Variants in DHX9 observed in about 807,000 individuals in gnomAD.
DHX9 encodes ATP-dependent RNA helicase A.
Under a neutral mutation model 148.7 loss-of-function variants are expected in DHX9, and 27 were observed. The observed-to-expected ratio is 0.18, with a 90% CI of 0.13 to 0.25. DHX9 has a LOEUF of 0.25. Among genes scored for constraint, DHX9 ranks in the 10% least tolerant of loss-of-function variants. The probability of loss-of-function intolerance (pLI) is 1.00; values close to 1 mark genes in which losing one functional copy is unlikely to be tolerated. For synonymous variants in DHX9, 529 were observed against 516.6 expected (o/e 1.02, Z -0.33); for missense variants, 796 against 1,559.6 (o/e 0.51, Z 8.25).
At chr1:182,853,503 A>G (rs1668196968) in intron 5 of DHX9, 85 bp downstream of exon 5, 2 of 1,004,154 alleles carry the variant, frequency 2.0e-6, no homozygotes, top group East Asian at 2.5e-5. Flanking sequence ...GATATTCACA[A>G]GTTAATAATT....
intron 3 of DHX9, among the ~76,000 whole-genome samples, chr1:182,851,904 G>T (rs189445801): frequency 6.6e-6 from 1 of 152,292 alleles, no homozygotes; most frequent in African/African-American, 2.4e-5. Flanking sequence ...GCTTTAAAAG[G>T]TGTTAAGGTA....
intron 14 of DHX9, among the ~76,000 whole-genome samples, chr1:182,870,916 T>A (rs950465034): frequency 6.6e-6 from 1 of 152,198 alleles, no homozygotes; most frequent in Non-Finnish European, 1.5e-5. Context: ...ATTTTTCTTA[T>A]GGTGTGTTCA....
intron 1 of DHX9, among the ~76,000 whole-genome samples, chr1:182,841,300 AAGAG>A (rs539781972): frequency 6.6e-5 from 10 of 152,278 alleles, no homozygotes; most frequent in East Asian, 1.9e-4. Flanking sequence ...CAAAAAAAAA[AAGAG>A]AGAAAAGACT....
At chr1:182,871,036 G>A (rs925767996) in intron 14 of DHX9, among the ~76,000 whole-genome samples, 2 of 152,044 alleles carry the variant, frequency 1.3e-5, no homozygotes, top group East Asian at 1.9e-4. Flanking sequence ...AACATGAAAT[G>A]CACTAACCTT....
intron 12 of DHX9, among the ~76,000 whole-genome samples, chr1:182,865,616 G>A (rs1176531629): frequency 6.6e-6 from 1 of 152,176 alleles, no homozygotes. Context: ...TTATCTTTAT[G>A]GGCAGGATAA....
At position 182,853,306 on chromosome 1, in the gene DHX9, A is replaced by G. The variant is rs1481090375; in HGVS notation, c.365A>G (p.Glu122Gly). 1 of 1,603,932 alleles carries G rather than the reference A, an allele frequency of 6.2e-7. No homozygotes were observed. Among genetic ancestry groups the G allele is most frequent in the Non-Finnish European group, 8.5e-7 (1 of 1,176,310 alleles). ...PLPPHLALKA[E>G]NNSEVGASGY... ...AAGAGAATTTTTTTTCTTTTAACAGAAAATAATTCTGAGGTAGGGGCCTCT... is the reference window on the plus strand; with the variant it reads ...AAGAGAATTTTTTTTCTTTTAACAGGAAATAATTCTGAGGTAGGGGCCTCT... The change falls in exon 5 of 28, where the codon GAA (glutamate) becomes GGA (glycine). Residue 122 changes from glutamate to glycine, a missense_variant and splice_region_variant. Transcript: ENST00000367549.
rs1218835958 is a variant in DHX9 at position 182,874,895 on chromosome 1, C to G, written c.1756C>G (p.Pro586Ala). The G allele has an allele frequency of 1.2e-6, 2 of 1,613,074 alleles. No homozygotes were observed. The highest frequency in any genetic ancestry group is 1.7e-6 in the Non-Finnish European group (2 of 1,179,534). ...CTGCATTCAGATGACCCACTTTGTT[C>G]CTCCACCAAAAGACAAAAAGAAGAA... ...EDCIQMTHFV[P>A]PPKDKKKKDK... The change falls in exon 16 of 28, where the codon CCT (proline) becomes GCT (alanine). Residue 586 changes from proline to alanine, a missense_variant. Physicochemically the swap from Pro to Ala is conservative, Grantham distance 27. Around this residue, in one of 14 missense-constraint regions of DHX9, gnomAD observed 133 missense variants for 223.8 expected, o/e 0.59. Transcript: ENST00000367549.
At chr1:182,849,659 G>C (rs1161542804) in intron 3 of DHX9, among the ~76,000 whole-genome samples, 1 of 152,156 alleles carries the variant, frequency 6.6e-6, no homozygotes, top group Admixed American at 6.5e-5. Flanking sequence ...AGAAACATTG[G>C]TCTGTAACCT....
chr1:182,871,823 C>T (rs750740463), intron 14 of DHX9, among the ~76,000 whole-genome samples: 12 of 152,102 alleles, frequency 7.9e-5, no homozygotes, highest in Non-Finnish European at 1.2e-4. Context: ...TCGGCCGAGG[C>T]GGGTGGATCA....
rs761875075 is a variant in DHX9 at position 182,883,612 on chromosome 1, G to C, written c.3237G>C (p.Gly1079=). 1.2e-6 allele frequency: 2 copies of C among 1,613,324 alleles called. No homozygotes were observed. Among genetic ancestry groups the C allele is most frequent in the Non-Finnish European group, 1.7e-6 (2 of 1,179,332 alleles). ...CCTCCAAGAAAGTCCAATCTGATGG[G>C]CAGATTGTGCTTGTAGATGACTGGT... The part of the protein sequence containing the change: ...LFASKKVQSD[G]QIVLVDDWIK... Residue 1079 remains glycine (G), a synonymous_variant, in exon 26 of 28, where the codon GGG becomes GGC. Transcript: ENST00000367549.
intron 3 of DHX9, among the ~76,000 whole-genome samples, chr1:182,846,752 T>G (rs1277456566): frequency 6.6e-6 from 1 of 152,244 alleles, no homozygotes; most frequent in Non-Finnish European, 1.5e-5. Context: ...TTGCTGAGAT[T>G]ATTGAATCCA....
chr1:182,858,672 G>A (rs750966684), intron 9 of DHX9, 32 bp downstream of exon 9: 14 of 1,610,744 alleles, frequency 8.7e-6, no homozygotes, highest in Non-Finnish European at 9.3e-6. Flanking sequence ...TCACATTTAC[G>A]TAGAACTCTC....
intron 3 of DHX9, among the ~76,000 whole-genome samples, chr1:182,850,761 C>T (rs1668128130): frequency 1.3e-5 from 2 of 152,004 alleles, no homozygotes; most frequent in South Asian, 2.1e-4. Flanking sequence ...ATTTTATAAC[C>T]TACTTGAAAA....
chr1:182,861,963 C>G (rs377698017), intron 12 of DHX9, among the ~76,000 whole-genome samples: 8 of 152,308 alleles, frequency 5.3e-5, no homozygotes, highest in African/African-American at 1.7e-4. Context: ...AAGATTTAAA[C>G]ACACTCAAAT....
intron 16 of DHX9, 50 bp downstream of exon 16, chr1:182,875,004 G>T: frequency 6.8e-7 from 1 of 1,462,880 alleles, no homozygotes; most frequent in South Asian, 1.1e-5. Flanking sequence ...TGTCAATGCA[G>T]AGAAAAAAAT....
intron 5 of DHX9, among the ~76,000 whole-genome samples, 159 bp from the exon 6 acceptor site, chr1:182,853,871 A>G (rs1007069142): frequency 6.6e-6 from 1 of 152,156 alleles, no homozygotes; most frequent in African/African-American, 2.4e-5. Context: ...TAGATGCAAT[A>G]AAAAGTAATT....
chr1:182,861,495 A>AGCTCT (rs1172831780), intron 12 of DHX9, among the ~76,000 whole-genome samples: 1 of 152,214 alleles, frequency 6.6e-6, no homozygotes, highest in African/African-American at 2.4e-5. Flanking sequence ...CCTTGAGCTC[A>AGCTCT]GCTCTGCTCT....
chr1:182,880,691 CAGAT>C (rs1405323625), intron 22 of DHX9, 83 bp downstream of exon 22: 6 of 870,594 alleles, frequency 6.9e-6, no homozygotes, highest in Non-Finnish European at 1.1e-5. Flanking sequence ...AGTATTGGCT[CAGAT>C]AGACAAAAAA....
Position 182,853,608 on chromosome 1 carries a change from A to G in DHX9, c.477+190A>G, listed in dbSNP as rs527258665. ...TTTACTCTTGTTATTCACATTGCCTATGGAGGAAAAAAACAGTATTTTTTT... is the reference window on the plus strand; with the variant it reads ...TTTACTCTTGTTATTCACATTGCCTGTGGAGGAAAAAAACAGTATTTTTTT... On this transcript the variant is annotated intron_variant, in intron 5 of 27. Coordinates refer to ENST00000367549, the MANE Select transcript of DHX9 (RefSeq NM_001357.5). 6.6e-5 allele frequency among the ~76,000 whole-genome samples: 10 copies of G among 152,300 alleles called. No homozygotes were observed. The East Asian group carries it at 1.2e-3, about 18-fold the overall frequency.
Sources: allele counts gnomAD v4.1 joint callset (sites outside exome capture counted in the v4.1 genomes callset), GRCh38; gene constraint gnomAD v4.1.1; regional missense constraint gnomAD v4.1.1; transcripts MANE v1.5; gene names NCBI Gene and HGNC (gene_info 2026-07-23, HGNC 2026-07-21).